The following CATSPER1 variants were observed in gnomAD, a reference collection of about 807,000 sequenced individuals.
CATSPER1 encodes cation channel sperm-associated protein 1.
Under a neutral mutation model 72.7 loss-of-function variants are expected in CATSPER1, and 57 were observed. The ratio of observed to expected loss-of-function variants is 0.78; its 90% confidence interval spans 0.63 to 0.98. CATSPER1 has a LOEUF of 0.98. Ranked by LOEUF, CATSPER1 falls within the 50% of genes least tolerant of loss-of-function variation. CATSPER1 has a pLI of 0.00. For missense variants in CATSPER1, 910 were observed against 1,033.9 expected (o/e 0.88, Z 1.64); for synonymous variants, 363 against 403.0 (o/e 0.90, Z 1.19).
chr11:66,020,930 G>A lies in CATSPER1; in HGVS notation c.1808C>T (p.Ala603Val). The A allele has an allele frequency of 1.9e-6, 3 of 1,614,060 alleles. No homozygotes were observed. Among genetic ancestry groups the A allele is most frequent in the Non-Finnish European group, 2.5e-6 (3 of 1,180,028 alleles). Reference protein sequence around the residue: ...CLFLFSAVLRALFRKSDPKRF... With the variant: ...CLFLFSAVLRVLFRKSDPKRF... ...CTTGGGGTCAGATTTGCGGAACAGT[G>A]CCCGGAGGACCGCGGAGAAGAGGAC... The change falls in exon 6 of 12, where the codon GCA becomes GTA. Residue 603 changes from alanine (A) to valine (V), a missense_variant. Coordinates refer to ENST00000312106, the MANE Select transcript of CATSPER1 (RefSeq NM_053054.4). The surrounding 1 kb of genome is among the most constrained non-coding windows in gnomAD (Gnocchi z 4.5).
Position 66,025,704 on chromosome 11 carries a change from GGT to G in CATSPER1, c.674_675del (p.His225ProfsTer8). 6.2e-7 allele frequency: 1 copy of G among 1,614,012 alleles called. No individual in the cohort carries two copies. The highest frequency in any genetic ancestry group is 8.5e-7 in the Non-Finnish European group (1 of 1,179,988). ...GCTTCATGATGACGGGACCTGCCAT[GGT>G]GGTGGACTTGGTGATGGTGGGGCCA... is the stretch of plus-strand genomic sequence containing the variant. ...RGWPHHHQVH[H>X]HGRSRHHEAH... On this transcript the variant is annotated frameshift_variant, in exon 1 of 12. Transcript: ENST00000312106. LOFTEE classifies it high-confidence loss of function.
intron 1 of CATSPER1, 96 bp downstream of exon 1, chr11:66,025,068 C>T: frequency 6.6e-7 from 1 of 1,514,484 alleles, no homozygotes; most frequent in Non-Finnish European, 9.2e-7. Context: ...AGGGTCGGGC[C>T]TTACGATCTG....
intron 1 of CATSPER1, among the ~76,000 whole-genome samples, chr11:66,024,425 G>A (rs750088623): frequency 1.3e-5 from 2 of 151,456 alleles, no homozygotes; most frequent in African/African-American, 2.4e-5. Context: ...TTACAGGGGT[G>A]CACCACCACG....
intron 3 of CATSPER1, 35 bp downstream of exon 3, chr11:66,021,731 C>T: frequency 6.2e-7 from 1 of 1,613,534 alleles, no homozygotes; most frequent in Admixed American, 1.7e-5. Flanking sequence ...CTCCCCCAGA[C>T]TAAACACACG....
chr11:66,022,079 C>T (rs1856385600), intron 2 of CATSPER1, among the ~76,000 whole-genome samples, 200 bp from the exon 3 acceptor site: 1 of 152,172 alleles, frequency 6.6e-6, no homozygotes, highest in East Asian at 1.9e-4. Context: ...GTGGCTCACA[C>T]CTGTAATCCC....
rs750866325 is a variant in CATSPER1, at chr11:66,025,842, G to C, written c.538C>G (p.Leu180Val). 3 of 1,613,326 alleles carry C rather than the reference G, an allele frequency of 1.9e-6. No individual in the cohort carries two copies. Among genetic ancestry groups the C allele is most frequent in the Non-Finnish European group, 2.5e-6 (3 of 1,179,780 alleles). ...CTGTAGGGATTGGGTCCATGGGGGA[G>C]GTAGGACCCACCATGGTGGGAAGCC... ...GEASHHGGSY[L>V]PHGPNPYSES... The change falls in exon 1 of 12, where the codon CTC (leucine) becomes GTC (valine). Residue 180 changes from leucine to valine, a missense_variant. Coordinates refer to ENST00000312106, the MANE Select transcript of CATSPER1 (RefSeq NM_053054.4).
chr11:66,024,577 G>T (rs2134998145), intron 1 of CATSPER1, among the ~76,000 whole-genome samples: 1 of 152,292 alleles, frequency 6.6e-6, no homozygotes, highest in South Asian at 2.1e-4. Flanking sequence ...ACCGCGCCTG[G>T]CCTGTTGTCA....
intron 10 of CATSPER1, among the ~76,000 whole-genome samples, chr11:66,017,805 C>A (rs1365951797): frequency 2.0e-5 from 3 of 152,192 alleles, no homozygotes; most frequent in Admixed American, 6.5e-5. Flanking sequence ...CACTTTGAGG[C>A]ATGAAATTGG....
chr11:66,021,703 C>A, intron 3 of CATSPER1, 60 bp from the exon 4 acceptor site: 1 of 1,612,474 alleles, frequency 6.2e-7, no homozygotes, highest in Non-Finnish European at 8.5e-7. Flanking sequence ...CCTTCCCCAT[C>A]CTTCTCTCGT....
At chr11:66,017,002 T>C in intron 11 of CATSPER1, 58 bp downstream of exon 11, 2 of 1,612,990 alleles carry the variant, frequency 1.2e-6, no homozygotes. Context: ...GAGCCATTTC[T>C]GGCTACAAGC....
rs1274620507 is a variant in CATSPER1 at position 66,026,005 on chromosome 11, C to T, written c.375G>A (p.Arg125=). The T allele has an allele frequency of 1.2e-6, 2 of 1,613,960 alleles. No individual in the cohort carries two copies. The highest frequency in any genetic ancestry group is 8.5e-7 in the Non-Finnish European group (1 of 1,179,952). ...CACCGTATTGGGACCCATCATGATG[C>T]CTCCTGCCATCACGTTGGAGCTCAT... ...YHDELQRDGR[R]HHDGSQYGGF... is the part of the protein sequence containing the mutation. The change falls in exon 1 of 12, where the codon AGG becomes AGA. Residue 125 remains arginine, a synonymous_variant. Transcript: ENST00000312106.
intron 11 of CATSPER1, 53 bp from the exon 12 acceptor site, chr11:66,016,969 C>T: frequency 6.2e-7 from 1 of 1,613,862 alleles, no homozygotes; most frequent in Non-Finnish European, 8.5e-7. Flanking sequence ...TTTGCCTTCC[C>T]CGATCCCCAT....
chr11:66,021,018 C>A lies in CATSPER1; in HGVS notation c.1784-64G>T, dbSNP rs1856356052. The stretch of plus-strand genomic sequence containing the variant: ...CCCCACCCCAGCGCCCCTCGTCCTG[C>A]CCCATCCCTGCTCCCCGCACCCCTT... On this transcript the variant is annotated intron_variant, in intron 5 of 11. Coordinates refer to ENST00000312106, the MANE Select transcript of CATSPER1 (RefSeq NM_053054.4). 2.5e-6 allele frequency: 4 copies of A among 1,609,788 alleles called. No individual in the cohort carries two copies. The Admixed American group carries it at 5.0e-5, about 20-fold the overall frequency.
At chr11:66,022,265 G>C (rs1211969355) in intron 2 of CATSPER1, among the ~76,000 whole-genome samples, 3 of 152,306 alleles carry the variant, frequency 2.0e-5, no homozygotes, top group Non-Finnish European at 2.9e-5. Context: ...ACTTGAACCC[G>C]GGAGGCGGAG....
intron 10 of CATSPER1, 80 bp downstream of exon 10, chr11:66,018,747 C>T (rs1856290680): frequency 2.1e-6 from 3 of 1,436,818 alleles, no homozygotes; most frequent in Admixed American, 1.7e-5. Context: ...CAGGCAATGT[C>T]CCTTTCCCTC....
chr11:66,023,517 C>G (rs1295074442), intron 1 of CATSPER1, among the ~76,000 whole-genome samples: 8 of 152,152 alleles, frequency 5.3e-5, no homozygotes, highest in African/African-American at 1.4e-4. Context: ...GACTTCACTA[C>G]TGCTCTATGT....
rs1049056947 is a variant in CATSPER1 at position 66,019,997 on chromosome 11, G to A, written c.2125+143C>T. 2.1e-5 allele frequency: 16 copies of A among 759,322 alleles called. No individual in the cohort carries two copies. In the East Asian group the frequency reaches 4.1e-4, roughly 20 times the overall value. The allele number at this position is 759,322 out of a possible 1,614,324, so 47.0% of individuals were successfully genotyped here. ...GGGAGGATTGTTCTAGGGTCCTCTG[G>A]ACTAAAGTCCTCCTGAGTCTCAAAT... On this transcript the variant is annotated intron_variant, in intron 9 of 11. Coordinates refer to ENST00000312106, the MANE Select transcript of CATSPER1 (RefSeq NM_053054.4).
At chr11:66,018,171 G>A (rs1856278090) in intron 10 of CATSPER1, among the ~76,000 whole-genome samples, 1 of 149,402 alleles carries the variant, frequency 6.7e-6, no homozygotes, top group East Asian at 2.0e-4. Flanking sequence ...TTGTGCCACT[G>A]CACTCCAGCC....
At chr11:66,024,777 G>A (rs186479353) in intron 1 of CATSPER1, among the ~76,000 whole-genome samples, 4 of 152,254 alleles carry the variant, frequency 2.6e-5, no homozygotes, top group East Asian at 3.9e-4. Context: ...GGCAGGCCCC[G>A]AGCACAGGAT....
Sources: gnomAD v4.1 joint callset for allele counts (sites outside exome capture counted in the v4.1 genomes callset) on GRCh38, gnomAD v4.1.1 for gene constraint, Gnocchi (gnomAD v3.1) non-coding constraint, MANE v1.5 for transcripts, NCBI Gene and HGNC (gene_info 2026-07-23, HGNC 2026-07-21) for gene names.